Variants in KCNK2 observed in about 807,000 individuals in gnomAD.
KCNK2 encodes potassium two pore domain channel subfamily K member 2.
In KCNK2, 21 loss-of-function variants were observed where a neutral mutation model predicts 40.5. That is an observed-to-expected ratio of 0.52 (90% CI 0.37 to 0.75). KCNK2 has a LOEUF of 0.75. Ranked by LOEUF, KCNK2 falls within the 30% of genes least tolerant of loss-of-function variation. KCNK2 has a pLI of 0.00. For synonymous variants in KCNK2, 191 were observed against 202.2 expected (o/e 0.94, Z 0.47); for missense variants, 399 against 531.6 (o/e 0.75, Z 2.45).
chr1:215,233,856 G>T (rs1309470874), intron 6 of KCNK2, among the ~76,000 whole-genome samples: 3 of 152,170 alleles, frequency 2.0e-5, no homozygotes, highest in South Asian at 4.1e-4. Flanking sequence ...CATACAATTG[G>T]TCATATTTTC....
Position 215,083,201 on chromosome 1 carries a change from C to CCCCCCCCCCCCCCCCCCCCCCCCCCCCCT in KCNK2, c.-183_-182insCCCCCCCCCCCCCCCCCCCCCCCCCCTCC, listed in dbSNP as rs1659252674. The CCCCCCCCCCCCCCCCCCCCCCCCCCCCCT allele has an allele frequency of 4.0e-6, 3 of 753,782 alleles. No homozygotes were observed. The highest frequency in any genetic ancestry group is 6.3e-6 in the Non-Finnish European group (3 of 479,626). 46.7% of individuals were successfully genotyped at this position (753,782 alleles called of 1,614,324 possible). On this transcript the variant is annotated 5_prime_UTR_variant, in exon 1 of 7. Transcript: ENST00000444842. ...TTTCGTTTCTTCTCACGCTCCCCCC[C>CCCCCCCCCCCCCCCCCCCCCCCCCCCCCT]CCGCCCCCTCCCGCGTCCAGCCCCG...
At chr1:215,052,278 C>T (rs981638922) in intron 1 of KCNK2, among the ~76,000 whole-genome samples, 10 of 151,986 alleles carry the variant, frequency 6.6e-5, no homozygotes, top group African/African-American at 2.2e-4. Context: ...AGCAAGAAGC[C>T]ATTAGAAGTT....
At chr1:215,194,707 A>T (rs1034743519) in intron 5 of KCNK2, among the ~76,000 whole-genome samples, 2 of 152,202 alleles carry the variant, frequency 1.3e-5, no homozygotes, top group African/African-American at 4.8e-5. Flanking sequence ...AGCAAGGAAA[A>T]ATCATGATGA....
chr1:215,063,560 C>T (rs903205963), intron 1 of KCNK2, among the ~76,000 whole-genome samples: 17 of 152,184 alleles, frequency 1.1e-4, no homozygotes, highest in Admixed American at 5.9e-4. Context: ...ACTGTGCTAA[C>T]AGTAATAATA....
chr1:215,174,644 T>C (rs919691335), intron 5 of KCNK2, among the ~76,000 whole-genome samples: 15 of 152,102 alleles, frequency 9.9e-5, no homozygotes, highest in African/African-American at 3.4e-4. Context: ...TCTTTTATTT[T>C]GTTGAGCAGT....
intron 1 of KCNK2, among the ~76,000 whole-genome samples, chr1:215,044,370 A>G (rs1483861441): frequency 1.3e-5 from 2 of 152,286 alleles, no homozygotes; most frequent in African/African-American, 4.8e-5. Flanking sequence ...TCCCTGGTTT[A>G]GTTGAACAAA....
At chr1:215,108,495 G>T (rs560013976) in intron 2 of KCNK2, among the ~76,000 whole-genome samples, 3 of 152,164 alleles carry the variant, frequency 2.0e-5, no homozygotes, top group South Asian at 4.1e-4. Context: ...TTCCTTGGCT[G>T]CCCAGAAGCT....
At chr1:215,224,520 G>A (rs1318083158) in intron 6 of KCNK2, among the ~76,000 whole-genome samples, 1 of 152,018 alleles carries the variant, frequency 6.6e-6, no homozygotes, top group Non-Finnish European at 1.5e-5. Context: ...TAGAAATGCA[G>A]TTAATAAAGA....
intron 3 of KCNK2, among the ~76,000 whole-genome samples, chr1:215,133,282 G>A (rs771905732): frequency 2.6e-5 from 4 of 152,214 alleles, no homozygotes; most frequent in African/African-American, 9.6e-5. Context: ...ACTGTTAAAT[G>A]TTGTGATCTT....
chr1:215,125,773 TATATAA>T (rs1310973422), intron 3 of KCNK2, among the ~76,000 whole-genome samples: 1 of 40,112 alleles, frequency 2.5e-5, no homozygotes, highest in African/African-American at 7.1e-5. Flanking sequence ...TATATATATA[TATATAA>T]AATAAAATTT....
chr1:215,225,181 A>G (rs2102704809), intron 6 of KCNK2, among the ~76,000 whole-genome samples: 1 of 152,300 alleles, frequency 6.6e-6, no homozygotes, highest in South Asian at 2.1e-4. Flanking sequence ...TACTTTGTAT[A>G]TCATGATATG....
upstream of KCNK2, among the ~76,000 whole-genome samples, chr1:215,079,905 G>T (rs1172583778): frequency 1.3e-5 from 2 of 152,122 alleles, no homozygotes; most frequent in South Asian, 2.1e-4. Context: ...CTGAGCATTT[G>T]GCTTGTTGGG....
At position 215,082,965 on chromosome 1, in the gene KCNK2, C is replaced by G. The variant is rs1476352329; in HGVS notation, c.-421C>G. ...CCCACCGCCCCCGCGCCGCGCCGTG[C>G]CGGGGCCGGGCCAGCGAGCAGCCCG... On this transcript the variant is annotated 5_prime_UTR_variant, in exon 1 of 7. Transcript: ENST00000444842. Among the ~76,000 whole-genome samples, 1 of 148,042 alleles carries G rather than the reference C, an allele frequency of 6.8e-6. No homozygotes were observed. Among genetic ancestry groups the G allele is most frequent in the Non-Finnish European group, 1.5e-5 (1 of 66,772 alleles).
chr1:215,044,917 T>C (rs1476891009), intron 1 of KCNK2, among the ~76,000 whole-genome samples: 3 of 151,928 alleles, frequency 2.0e-5, no homozygotes, highest in Non-Finnish European at 4.4e-5. Flanking sequence ...ACGCCTGTAA[T>C]CCCAGCACTT....
intron 3 of KCNK2, among the ~76,000 whole-genome samples, chr1:215,143,696 ACTCTGACCTCTGCCT>A (rs1407016474): frequency 6.6e-6 from 1 of 152,044 alleles, no homozygotes; most frequent in African/African-American, 2.4e-5. Context: ...TAACCTCTTA[ACTCTGACCTCTGCCT>A]CTAGTGGCCA....
intron 3 of KCNK2, among the ~76,000 whole-genome samples, chr1:215,136,311 T>G (rs6678758): frequency 0.77 from 116,518 of 151,558 alleles, 45,080 homozygotes; most frequent in Non-Finnish European, 0.79. Flanking sequence ...TGCCCAGGCT[T>G]GTCTCGAACT....
intron 1 of KCNK2, among the ~76,000 whole-genome samples, chr1:215,063,847 G>T (rs894435091): frequency 1.3e-5 from 2 of 152,230 alleles, no homozygotes; most frequent in Non-Finnish European, 2.9e-5. Flanking sequence ...AATGGAGAAA[G>T]AAAGCAAAGA....
In KCNK2 at chr1:215,195,212, T is replaced by C. The variant is rs530711448; in HGVS notation, c.963+120T>C. On this transcript the variant is annotated intron_variant, in intron 6 of 6. Transcript: ENST00000444842. The stretch of plus-strand genomic sequence containing the variant: ...CATTTTAAAATGTTAATATTTTCTA[T>C]TTGGCATGAATTTGCTGTATTAGGC... 1.8e-3 allele frequency: 1,477 copies of C among 841,802 alleles called. 4 individuals carry two copies. The highest frequency in any genetic ancestry group is 2.3e-3 in the Non-Finnish European group (1,337 of 587,968). 52.1% of individuals were successfully genotyped at this position (841,802 alleles called of 1,614,324 possible). A position where few individuals can be genotyped will look rare whatever the true frequency, so the allele number is the denominator to read the frequency against.
chr1:215,224,440 T>C (rs1666303862), intron 6 of KCNK2, among the ~76,000 whole-genome samples: 2 of 152,212 alleles, frequency 1.3e-5, no homozygotes, highest in Non-Finnish European at 1.5e-5. Context: ...TCCTCAAAAA[T>C]TGGCTTTACT....
Sources: allele counts gnomAD v4.1 joint callset (sites outside exome capture counted in the v4.1 genomes callset), GRCh38; gene constraint gnomAD v4.1.1; transcripts MANE v1.5; gene names NCBI Gene and HGNC (gene_info 2026-07-23, HGNC 2026-07-21).